POC1B: variants seen among roughly 807,000 people sequenced by gnomAD.
POC1B encodes the protein POC1 centriolar protein homolog B.
Under a neutral mutation model 60.6 loss-of-function variants are expected in POC1B, and 44 were observed. The observed-to-expected ratio is 0.73, with a 90% CI of 0.57 to 0.93. POC1B has a LOEUF of 0.93. Ranked by LOEUF, POC1B falls within the 40% of genes least tolerant of loss-of-function variation. The pLI is 0.00. For synonymous variants in POC1B, 180 were observed against 198.9 expected, an observed-to-expected ratio of 0.90 and a Z score of 0.80; for missense variants, 555 against 572.3, an observed-to-expected ratio of 0.97 and a Z score of 0.31.
chr12:89,448,427 C>T (rs1881882119), intron 10 of POC1B, among the ~76,000 whole-genome samples: 2 of 152,180 alleles, frequency 1.3e-5, no homozygotes, highest in Admixed American at 1.3e-4. Context: ...TAAAATAATA[C>T]CTGCACACAC....
chr12:89,460,786 ATAAT>A (rs1353459621), intron 9 of POC1B: 1 of 152,238 alleles, frequency 6.6e-6, no homozygotes. Flanking sequence ...AAATTAAACA[ATAAT>A]TATAGATTCA....
At chr12:89,425,133 C>T in intron 11 of POC1B, 28 bp downstream of exon 11, 1 of 1,606,578 alleles carries the variant, frequency 6.2e-7, no homozygotes, top group Non-Finnish European at 8.5e-7. Flanking sequence ...CCCCCAAGTG[C>T]AACTCATGCA....
chr12:89,410,186 C>T, the POC1B span, among the ~76,000 whole-genome samples: 1 of 152,166 alleles, frequency 6.6e-6, no homozygotes, highest in East Asian at 1.9e-4. Flanking sequence ...ATCACATAAA[C>T]AGAACCAGTG....
chr12:89,458,954 T>C (rs1366561293), intron 10 of POC1B, among the ~76,000 whole-genome samples: 1 of 152,226 alleles, frequency 6.6e-6, no homozygotes, highest in Non-Finnish European at 1.5e-5. Flanking sequence ...ATTTTATATA[T>C]GTAATTTCTA....
intron 4 of POC1B, among the ~76,000 whole-genome samples, chr12:89,489,612 TG>T (rs1207468522): frequency 1.3e-5 from 2 of 149,830 alleles, no homozygotes. Flanking sequence ...CAGTGAGGAG[TG>T]TGGGCTGTAA....
intron 2 of POC1B, chr12:89,520,769 C>T (rs1003778296): frequency 3.3e-5 from 5 of 152,156 alleles, no homozygotes; most frequent in Non-Finnish European, 7.3e-5. Flanking sequence ...CAACTTTACT[C>T]GTGAATACAG....
chr12:89,413,678 A>C, the POC1B span, among the ~76,000 whole-genome samples: 123 of 152,208 alleles, frequency 8.1e-4, no homozygotes, highest in Non-Finnish European at 8.8e-4. Flanking sequence ...TAACCCTTAC[A>C]TTGTGTGGTT....
chr12:89,422,587 A>G (rs554462214), intron 11 of POC1B, among the ~76,000 whole-genome samples: 3 of 152,360 alleles, frequency 2.0e-5, no homozygotes, highest in East Asian at 1.9e-4. Flanking sequence ...TTCTCTGATT[A>G]GAAGGCAGAT....
chr12:89,507,090 C>T (rs1404666072), intron 2 of POC1B, among the ~76,000 whole-genome samples: 4 of 151,252 alleles, frequency 2.6e-5, no homozygotes, highest in Admixed American at 6.6e-5. Flanking sequence ...GGCAACGTCT[C>T]GAAACCCCGT....
At chr12:89,481,139 G>T (rs1868355409) in intron 4 of POC1B, among the ~76,000 whole-genome samples, 2 of 152,198 alleles carry the variant, frequency 1.3e-5, no homozygotes, top group Non-Finnish European at 2.9e-5. Flanking sequence ...CTCCCAAAGT[G>T]CTGGGATTAC....
chr12:89,405,755 G>A, the POC1B span, among the ~76,000 whole-genome samples: 1 of 151,814 alleles, frequency 6.6e-6, no homozygotes, highest in Non-Finnish European at 1.5e-5. Flanking sequence ...AGGAGTTTGA[G>A]ACCAGCATGG....
intron 2 of POC1B, among the ~76,000 whole-genome samples, chr12:89,518,043 G>A (rs1870541455): frequency 6.6e-6 from 1 of 151,586 alleles, no homozygotes; most frequent in Admixed American, 6.6e-5. Context: ...TGAAAAAGTA[G>A]TACCCCAATA....
At chr12:89,439,045 A>G (rs1347943800) in intron 10 of POC1B, among the ~76,000 whole-genome samples, 1 of 152,206 alleles carries the variant, frequency 6.6e-6, no homozygotes, top group Non-Finnish European at 1.5e-5. Context: ...CCCTGCTTAC[A>G]TATCTCTCAA....
chr12:89,422,076 A>G lies in POC1B; in HGVS notation c.1333-819T>C, dbSNP rs969904276. ...AAAAAAACTTATTATAAAATGAAAC[A>G]TAGATTATTCAGGAACCCACACAAG... On this transcript the variant is annotated intron_variant, in intron 11 of 11. Coordinates refer to ENST00000313546, the MANE Select transcript of POC1B (RefSeq NM_172240.3). Among the ~76,000 whole-genome samples the G allele has an allele frequency of 1.1e-4, 16 of 152,074 alleles. No homozygotes were observed. The East Asian group carries it at 3.1e-3, about 29-fold the overall frequency.
intron 10 of POC1B, among the ~76,000 whole-genome samples, chr12:89,452,610 T>A (rs530066298): frequency 6.6e-6 from 1 of 152,146 alleles, no homozygotes; most frequent in Non-Finnish European, 1.5e-5. Context: ...AGAAAGAAGG[T>A]CAAATTAGCA....
chr12:89,435,601 G>T (rs916441347), intron 10 of POC1B, among the ~76,000 whole-genome samples: 1 of 152,076 alleles, frequency 6.6e-6, no homozygotes, highest in Admixed American at 6.6e-5. Context: ...ATATTTTCAC[G>T]TGTAAAATCA....
chr12:89,441,445 T>C (rs1881517853), intron 10 of POC1B, among the ~76,000 whole-genome samples: 1 of 152,180 alleles, frequency 6.6e-6, no homozygotes, highest in Middle Eastern at 3.2e-3. Flanking sequence ...GGAGCAACAT[T>C]TGCTGTTCTG....
At chr12:89,524,813 C>T (rs1217854185) in intron 2 of POC1B, 2 of 615,358 alleles carry the variant, frequency 3.3e-6, no homozygotes, top group Admixed American at 6.0e-5. Context: ...CAACACCCCA[C>T]CCTCCCCGGG....
At position 89,442,490 on chromosome 12, in the gene POC1B, A is replaced by G. The variant is rs527341638; in HGVS notation, c.1114-17111T>C. The stretch of plus-strand genomic sequence containing the variant: ...AAAAGAATTTTCAACCCAGAATTTC[A>G]TATCCAGCCAAACTAAGCTTCATAA... On this transcript the variant is annotated intron_variant, in intron 10 of 11. Coordinates refer to ENST00000313546, the MANE Select transcript of POC1B (RefSeq NM_172240.3). Among the ~76,000 whole-genome samples the G allele has an allele frequency of 5.3e-5, 8 of 152,360 alleles. No individual in the cohort carries two copies. In the East Asian group the frequency reaches 1.3e-3, roughly 26 times the overall value.
Sources: allele counts gnomAD v4.1 joint callset (sites outside exome capture counted in the v4.1 genomes callset), GRCh38; gene constraint gnomAD v4.1.1; transcripts MANE v1.5; gene names NCBI Gene and HGNC (gene_info 2026-07-23, HGNC 2026-07-21).